Variants in DRAXIN observed in about 807,000 individuals in gnomAD.
The protein encoded by DRAXIN is dorsal inhibitory axon guidance protein.
DRAXIN carries 27 observed loss-of-function variants against 33.9 expected under a neutral mutation model. That is an observed-to-expected ratio of 0.80 (90% confidence interval 0.59 to 1.10). DRAXIN has a LOEUF of 1.10. Among genes scored for constraint, DRAXIN ranks in the 50% least tolerant of loss-of-function variants. The pLI is 0.00. For missense variants in DRAXIN, 371 were observed against 460.8 expected, an observed-to-expected ratio of 0.81 and a Z score of 1.78; for synonymous variants, 178 against 194.0, an observed-to-expected ratio of 0.92 and a Z score of 0.69.
At chr1:11,691,326 G>A (rs1015468452), upstream of DRAXIN, 2 of 152,138 alleles carry the variant, frequency 1.3e-5, no homozygotes, top group Non-Finnish European at 2.9e-5. Context: ...CGCCCGCCCT[G>A]CGCGGGGCCG....
chr1:11,718,250 A>G (rs1641610251), intron 6 of DRAXIN, among the ~76,000 whole-genome samples: 2 of 143,298 alleles, frequency 1.4e-5, no homozygotes, highest in African/African-American at 5.1e-5. Context: ...CAGGAGGCAG[A>G]GGTTTCATAA....
chr1:11,706,371 C>CTGA lies in DRAXIN; in HGVS notation c.114_116dup (p.Pro38_Glu39insAsp). ...CCTGGGACCCCTGCCCGGAACCTCCCTGAGAATCACATTGACCTCCCAGGC... is the reference window on the plus strand; with the variant it reads ...CCTGGGACCCCTGCCCGGAACCTCCCTGATGAGAATCACATTGACCTCCCAGGC... On this transcript the variant is annotated inframe_insertion, in exon 2 of 7. Coordinates refer to ENST00000294485, the MANE Select transcript of DRAXIN (RefSeq NM_198545.4). This position sits in a 1 kb window ranked among gnomAD's most constrained non-coding sequence, Gnocchi z 5.5. 2 of 1,613,868 alleles carry CTGA rather than the reference C, an allele frequency of 1.2e-6. No homozygotes were observed. Among genetic ancestry groups the CTGA allele is most frequent in the Non-Finnish European group, 1.7e-6 (2 of 1,180,012 alleles).
intron 1 of DRAXIN, among the ~76,000 whole-genome samples, chr1:11,698,684 A>C (rs1042824540): frequency 6.6e-6 from 1 of 152,194 alleles, no homozygotes; most frequent in Admixed American, 6.5e-5. Flanking sequence ...GAGAGACCTC[A>C]TCTCAACTAA....
chr1:11,689,973 A>G (rs568141829), upstream of DRAXIN, among the ~76,000 whole-genome samples: 20 of 151,928 alleles, frequency 1.3e-4, no homozygotes, highest in African/African-American at 4.8e-4. Flanking sequence ...TCTGCTTGCA[A>G]GTCTTCTCCC....
intron 1 of DRAXIN, among the ~76,000 whole-genome samples, chr1:11,697,231 C>T (rs768369348): frequency 1.3e-5 from 2 of 152,136 alleles, no homozygotes; most frequent in East Asian, 1.9e-4. Flanking sequence ...GAGCTGGAAT[C>T]GGTAGTAGTG....
upstream of DRAXIN, among the ~76,000 whole-genome samples, chr1:11,687,800 C>T (rs6657068): frequency 0.044 from 6,703 of 152,222 alleles, 504 homozygotes; most frequent in African/African-American, 0.15. This position sits in a 1 kb window ranked among gnomAD's most constrained non-coding sequence, Gnocchi z 4.1. Context: ...CATATTGATA[C>T]TTCATTCCTT....
chr1:11,698,122 C>T (rs1641220671), intron 1 of DRAXIN, among the ~76,000 whole-genome samples: 1 of 152,118 alleles, frequency 6.6e-6, no homozygotes, highest in African/African-American at 2.4e-5. Flanking sequence ...TCATGGCAGC[C>T]TAATAATCCC....
Position 11,706,237 on chromosome 1 carries a change from C to G in DRAXIN, c.-10-12C>G, listed in dbSNP as rs925942116. 5 of 1,557,418 alleles carry G rather than the reference C, an allele frequency of 3.2e-6. No individual in the cohort carries two copies. In the East Asian group the frequency reaches 9.1e-5, roughly 28 times the overall value. On this transcript the variant is annotated splice_polypyrimidine_tract_variant and intron_variant, in intron 1 of 6. Coordinates refer to ENST00000294485, the MANE Select transcript of DRAXIN (RefSeq NM_198545.4). The surrounding 1 kb of genome is among the most constrained non-coding windows in gnomAD (Gnocchi z 5.5). ...CTGGGGCTGCGCATTCATGGTGTTG[C>G]TCTTCTTGCAGGGAGGAGCCAATGG...
At chr1:11,695,583 C>T (rs1252606073) in intron 1 of DRAXIN, among the ~76,000 whole-genome samples, 1 of 139,930 alleles carries the variant, frequency 7.1e-6, no homozygotes, top group Non-Finnish European at 1.5e-5. Context: ...GCCTGGGCAA[C>T]AGAGTGAGAT....
rs1641695544 is a variant in DRAXIN, at chr1:11,724,364, A to ATCCCAGGAATACCTGCTGT, written c.*4674_*4692dup. On this transcript the variant is annotated 3_prime_UTR_variant, in exon 7 of 7. Coordinates refer to ENST00000294485, the MANE Select transcript of DRAXIN (RefSeq NM_198545.4). ...TCCTCCAGCTGGAGTCTCACCGCGG[A>ATCCCAGGAATACCTGCTGT]TCCCAGGAATACCTGCTGTTCCCAC... is the stretch of plus-strand genomic sequence containing the variant. 2.6e-5 allele frequency: 4 copies of ATCCCAGGAATACCTGCTGT among 152,402 alleles called. No homozygotes were observed. The highest frequency in any genetic ancestry group is 1.3e-4 in the Admixed American group (2 of 15,304). The allele number at this position is 152,402 out of a possible 1,614,324, so 9.4% of individuals were successfully genotyped here.
In DRAXIN at chr1:11,720,170, G is replaced by GCATTAT; in HGVS notation, c.*477_*482dup. 6.1e-6 allele frequency: 1 copy of GCATTAT among 163,166 alleles called. No homozygotes were observed. Among genetic ancestry groups the GCATTAT allele is most frequent in the East Asian group, 1.6e-4 (1 of 6,102 alleles). The allele number at this position is 163,166 out of a possible 1,614,324, so 10.1% of individuals were successfully genotyped here. A position where few individuals can be genotyped will look rare whatever the true frequency, so the allele number is the denominator to read the frequency against. On this transcript the variant is annotated 3_prime_UTR_variant, in exon 7 of 7. Transcript: ENST00000294485. ...TTATCACAACGACCTTTTCAAGTAGGCATTATCACCATGCGACAGGTTGAG... is the reference window on the plus strand; with the variant it reads ...TTATCACAACGACCTTTTCAAGTAGGCATTATCATTATCACCATGCGACAGGTTGAG...
In DRAXIN at chr1:11,706,193, AGGGGCAGCAGAGAGAGGCCT is replaced by A; in HGVS notation, c.-10-50_-10-31del. ...AAACTGGGCTTTAATCATTTGAGTG[AGGGGCAGCAGAGAGAGGCCT>A]GGGGCTGCGCATTCATGGTGTTGCT... On this transcript the variant is annotated intron_variant, in intron 1 of 6. Transcript: ENST00000294485. This position sits in a 1 kb window ranked among gnomAD's most constrained non-coding sequence, Gnocchi z 5.5. The A allele has an allele frequency of 1.4e-6, 2 of 1,420,188 alleles. No individual in the cohort carries two copies. The highest frequency in any genetic ancestry group is 3.0e-5 in the South Asian group (2 of 67,416). 88.0% of individuals were successfully genotyped at this position (1,420,188 alleles called of 1,614,324 possible).
intron 6 of DRAXIN, among the ~76,000 whole-genome samples, chr1:11,718,642 A>G (rs908240256): frequency 6.6e-6 from 1 of 151,936 alleles, no homozygotes; most frequent in Non-Finnish European, 1.5e-5. Context: ...TAATTTTTAC[A>G]TTTTTTGTAG....
At chr1:11,716,250 C>T (rs1641576192) in intron 6 of DRAXIN, among the ~76,000 whole-genome samples, 1 of 152,236 alleles carries the variant, frequency 6.6e-6, no homozygotes, top group Admixed American at 6.5e-5. Flanking sequence ...TTTCTCATCA[C>T]TCTGCTTCAA....
chr1:11,708,183 C>T (rs948137365), intron 2 of DRAXIN, among the ~76,000 whole-genome samples: 2 of 152,244 alleles, frequency 1.3e-5, no homozygotes, highest in African/African-American at 2.4e-5. Flanking sequence ...GGTGTGGACC[C>T]GTCCTGCTGG....
chr1:11,688,282 G>A (rs901747741), upstream of DRAXIN, among the ~76,000 whole-genome samples: 13 of 152,150 alleles, frequency 8.5e-5, no homozygotes, highest in African/African-American at 2.7e-4. The surrounding 1 kb of genome is among the most constrained non-coding windows in gnomAD (Gnocchi z 4.6). Context: ...ACACGTGGCC[G>A]GGCACGGTGG....
rs4846030 is a variant in DRAXIN at position 11,723,719 on chromosome 1, C to T, written c.*4023C>T. On this transcript the variant is annotated 3_prime_UTR_variant, in exon 7 of 7. Transcript: ENST00000294485. ...GTGATTCTCCCGCCTCAGCCTCTCG[C>T]GTACCTGGGATTATAGGCAAGCATC... is the stretch of plus-strand genomic sequence containing the variant. The T allele has an allele frequency of 1.3e-5, 2 of 151,508 alleles. No individual in the cohort carries two copies. Among genetic ancestry groups the T allele is most frequent in the Non-Finnish European group, 2.9e-5 (2 of 67,916 alleles). 9.4% of individuals were successfully genotyped at this position (151,508 alleles called of 1,614,324 possible).
rs190388196 is a variant in DRAXIN, at chr1:11,696,440, G to T, written c.-11+4587G>T. On this transcript the variant is annotated intron_variant, in intron 1 of 6. Coordinates refer to ENST00000294485, the MANE Select transcript of DRAXIN (RefSeq NM_198545.4). The surrounding 1 kb of genome is among the most constrained non-coding windows in gnomAD (Gnocchi z 4.7). ...GTCTCTACTAAAAATACAAAAATTA[G>T]CCGGGCATGGTGGTGGGAGCCTGTA... 6.9e-3 allele frequency among the ~76,000 whole-genome samples: 1,053 copies of T among 152,230 alleles called. 10 individuals are homozygous for T. The highest frequency in any genetic ancestry group is 0.024 in the African/African-American group (992 of 41,528).
intron 1 of DRAXIN, among the ~76,000 whole-genome samples, chr1:11,695,760 G>A (rs1641181921): frequency 6.6e-6 from 1 of 152,096 alleles, no homozygotes; most frequent in Non-Finnish European, 1.5e-5. Flanking sequence ...GGAATATGGA[G>A]GCTGAGGGTT....
Sources: allele counts gnomAD v4.1 joint callset (sites outside exome capture counted in the v4.1 genomes callset), GRCh38; gene constraint gnomAD v4.1.1; non-coding constraint Gnocchi (gnomAD v3.1); transcripts MANE v1.5; gene names NCBI Gene and HGNC (gene_info 2026-07-23, HGNC 2026-07-21).